The following TPH2 variants were observed in gnomAD, a reference collection of about 807,000 sequenced individuals.
TPH2 encodes the protein tryptophan hydroxylase 2.
TPH2 carries 27 observed loss-of-function variants against 59.1 expected under a neutral mutation model. The ratio of observed to expected loss-of-function variants is 0.46; its 90% CI spans 0.34 to 0.63. TPH2 has a LOEUF of 0.63. TPH2 is among the 30% of genes least tolerant of loss of function. The pLI is 0.01. For synonymous variants in TPH2, 220 were observed against 210.5 expected (o/e 1.05, Z -0.39); for missense variants, 523 against 588.3 (o/e 0.89, Z 1.15).
chr12:71,982,991 A>G (rs1032878528), intron 7 of TPH2, among the ~76,000 whole-genome samples: 5 of 152,168 alleles, frequency 3.3e-5, no homozygotes, highest in African/African-American at 9.7e-5. Flanking sequence ...AACCTGATAC[A>G]CTAGAAACCA....
At chr12:72,028,671 A>G (rs896305319) in intron 9 of TPH2, among the ~76,000 whole-genome samples, 4 of 152,140 alleles carry the variant, frequency 2.6e-5, no homozygotes, top group African/African-American at 9.7e-5. Flanking sequence ...ATCCATGGGT[A>G]CCATTATTAC....
intron 5 of TPH2, chr12:71,961,501 A>T (rs2139194945): frequency 7.4e-7 from 1 of 1,345,630 alleles, no homozygotes; most frequent in Non-Finnish European, 9.8e-7. Flanking sequence ...AAGGTGCAAG[A>T]TGTATCTGAT....
intron 8 of TPH2, among the ~76,000 whole-genome samples, chr12:72,005,543 T>C (rs914598927): frequency 6.6e-6 from 1 of 152,186 alleles, no homozygotes; most frequent in African/African-American, 2.4e-5. Context: ...AATAAGAACT[T>C]AGTAAATGGA....
Position 71,944,395 on chromosome 12 carries a change from C to G in TPH2, c.357C>G (p.Phe119Leu). The part of the protein sequence containing the change: ...FVDCECGKTE[F>L]NELIQLLKFQ... ...ACTGTGAGTGTGGGAAAACAGAATT[C>G]AATGAGCTCATTCAGTTGCTGAAAT... The change falls in exon 3 of 11, where the codon TTC (phenylalanine) becomes TTG (leucine). Residue 119 changes from phenylalanine (F) to leucine (L), a missense_variant. Transcript: ENST00000333850. 1 of 1,613,920 alleles carries G rather than the reference C, an allele frequency of 6.2e-7. No individual in the cohort carries two copies. Among genetic ancestry groups the G allele is most frequent in the Non-Finnish European group, 8.5e-7 (1 of 1,179,878 alleles).
Position 71,979,017 on chromosome 12 carries a change from C to G in TPH2, c.871C>G (p.Leu291Val). The change falls in exon 7 of 11, where the codon CTG becomes GTG. Residue 291 changes from leucine to valine, a missense_variant. Transcript: ENST00000333850. ...GAGCCCACGAGACTTTCTGGCAGGA[C>G]TGGCCTACAGAGTGTTCCACTGTAC... ...YLSPRDFLAG[L>V]AYRVFHCTQY... 1 of 1,614,196 alleles carries G rather than the reference C, an allele frequency of 6.2e-7. No homozygotes were observed.
chr12:71,992,278 T>A (rs1247853352), intron 7 of TPH2, among the ~76,000 whole-genome samples: 1 of 151,984 alleles, frequency 6.6e-6, no homozygotes, highest in East Asian at 1.9e-4. Flanking sequence ...TTCAAAAAAT[T>A]TGATTTCAAA....
chr12:72,028,548 G>C (rs1873631222), intron 9 of TPH2, among the ~76,000 whole-genome samples: 1 of 152,188 alleles, frequency 6.6e-6, no homozygotes, highest in South Asian at 2.1e-4. Flanking sequence ...TCAGCACACA[G>C]TCAGCTCATG....
chr12:71,959,608 G>A (rs897605148), intron 5 of TPH2, among the ~76,000 whole-genome samples: 5 of 152,208 alleles, frequency 3.3e-5, no homozygotes, highest in Non-Finnish European at 5.9e-5. Flanking sequence ...TTTCATGAGA[G>A]AAGAGGCATG....
chr12:72,024,815 G>A (rs903699323), intron 9 of TPH2, among the ~76,000 whole-genome samples: 3 of 152,124 alleles, frequency 2.0e-5, no homozygotes, highest in African/African-American at 7.2e-5. Flanking sequence ...CCAGAAATAC[G>A]TACCAAGAAG....
chr12:71,988,001 T>C (rs933186899), intron 7 of TPH2, among the ~76,000 whole-genome samples: 11 of 152,352 alleles, frequency 7.2e-5, no homozygotes, highest in African/African-American at 2.6e-4. Context: ...CATTTGGTTC[T>C]TCAGTAGCAC....
chr12:71,995,176 T>A (rs1306867061), intron 8 of TPH2, among the ~76,000 whole-genome samples: 1 of 152,130 alleles, frequency 6.6e-6, no homozygotes, highest in African/African-American at 2.4e-5. Context: ...TGTTATAGTA[T>A]CTTCCTAAAA....
At chr12:71,982,984 C>G (rs1215195044) in intron 7 of TPH2, among the ~76,000 whole-genome samples, 3 of 152,096 alleles carry the variant, frequency 2.0e-5, no homozygotes, top group Admixed American at 2.0e-4. Context: ...TTCTCTAAAC[C>G]TGATACACTA....
intron 5 of TPH2, among the ~76,000 whole-genome samples, chr12:71,970,497 A>T (rs1871943027): frequency 6.6e-6 from 1 of 152,206 alleles, no homozygotes. Flanking sequence ...GAAAATTTTG[A>T]CCTAACGATT....
At position 71,972,734 on chromosome 12, in the gene TPH2, T is replaced by A; in HGVS notation, c.805+19T>A. On this transcript the variant is annotated intron_variant, in intron 6 of 10. Transcript: ENST00000333850. Reference sequence around the variant, plus strand: ...CTGAAAGGTAAGATTTCACACAGGCTGTCTCTTATTAGTCAATATCCTCAA... The same window carrying A: ...CTGAAAGGTAAGATTTCACACAGGCAGTCTCTTATTAGTCAATATCCTCAA... The A allele has an allele frequency of 6.2e-7, 1 of 1,610,972 alleles. No homozygotes were observed. The highest frequency in any genetic ancestry group is 8.5e-7 in the Non-Finnish European group (1 of 1,178,914).
At chr12:72,007,717 A>C (rs1380167682) in intron 8 of TPH2, among the ~76,000 whole-genome samples, 1 of 152,194 alleles carries the variant, frequency 6.6e-6, no homozygotes, top group Non-Finnish European at 1.5e-5. Context: ...ATGCTTTAGA[A>C]ACATTTAATT....
At chr12:71,945,060 G>A (rs563981019) in intron 4 of TPH2, among the ~76,000 whole-genome samples, 1 of 152,254 alleles carries the variant, frequency 6.6e-6, no homozygotes, top group South Asian at 2.1e-4. Context: ...GTATTATGGG[G>A]CTCAGTGAGA....
At chr12:72,007,288 C>G (rs934161650) in intron 8 of TPH2, among the ~76,000 whole-genome samples, 1 of 152,120 alleles carries the variant, frequency 6.6e-6, no homozygotes, top group Admixed American at 6.6e-5. Context: ...CAGGAAACAG[C>G]TTGGGGAAAA....
chr12:71,947,446 G>A (rs1220171976), intron 4 of TPH2, among the ~76,000 whole-genome samples: 3 of 150,778 alleles, frequency 2.0e-5, no homozygotes, highest in Non-Finnish European at 3.0e-5. Flanking sequence ...GGCTGCTAGG[G>A]TTGCCAGATT....
chr12:72,004,857 A>C (rs947030038), intron 8 of TPH2, among the ~76,000 whole-genome samples: 1 of 152,218 alleles, frequency 6.6e-6, no homozygotes, highest in Admixed American at 6.5e-5. Context: ...TTCTAAAGCT[A>C]TTCTTCTGAA....
Sources: allele counts gnomAD v4.1 joint callset (sites outside exome capture counted in the v4.1 genomes callset), GRCh38; gene constraint gnomAD v4.1.1; transcripts MANE v1.5; gene names NCBI Gene and HGNC (gene_info 2026-07-23, HGNC 2026-07-21).